The following LRBA variants were observed in gnomAD, a reference collection of about 807,000 sequenced individuals.
LRBA encodes the protein lipopolysaccharide-responsive and beige-like anchor protein.
LRBA carries 176 observed loss-of-function variants against 330.0 expected under a neutral mutation model. The ratio of observed to expected loss-of-function variants is 0.53; its 90% CI spans 0.47 to 0.60. LRBA has a LOEUF of 0.60. Among genes scored for constraint, LRBA ranks in the 20% least tolerant of loss-of-function variants. LRBA has a pLI of 0.00. For missense variants in LRBA, 3,259 were observed against 3,444.8 expected, an observed-to-expected ratio of 0.95 and a Z score of 1.35; for synonymous variants, 1,230 against 1,193.0, an observed-to-expected ratio of 1.03 and a Z score of -0.64.
At chr4:150,350,285 C>T in intron 47 of LRBA, 126 bp from the exon 48 acceptor site, 1 of 780,708 alleles carries the variant, frequency 1.3e-6, no homozygotes, top group Non-Finnish European at 1.9e-6. Context: ...AAAAACAAAA[C>T]TTGTGGCCGG....
chr4:150,363,360 C>G (rs1032940451), intron 47 of LRBA, among the ~76,000 whole-genome samples: 1 of 152,026 alleles, frequency 6.6e-6, no homozygotes, highest in Non-Finnish European at 1.5e-5. Context: ...TCTTTTGGTC[C>G]CAGAATATAT....
At chr4:150,663,467 T>C (rs770108307) in intron 37 of LRBA, among the ~76,000 whole-genome samples, 1 of 152,028 alleles carries the variant, frequency 6.6e-6, no homozygotes, top group Non-Finnish European at 1.5e-5. Context: ...CAGACTTATT[T>C]TGAATATAAA....
rs542113635 is a variant in LRBA at position 150,510,701 on chromosome 4, T to C, written c.6331-19666A>G. 2.0e-3 allele frequency among the ~76,000 whole-genome samples: 307 copies of C among 152,320 alleles called. 2 individuals carry two copies. Among genetic ancestry groups the C allele is most frequent in the Non-Finnish European group, 2.0e-3 (139 of 68,022 alleles). On this transcript the variant is annotated intron_variant, in intron 40 of 56. Coordinates refer to ENST00000651943, the MANE Select transcript of LRBA (RefSeq NM_001364905.1). The stretch of plus-strand genomic sequence containing the variant: ...ACTGAGTGATTTCATCCCGAATCAC[T>C]GCTTCTATTGTTGCCAAAGCACGCT...
At chr4:150,774,344 G>C (rs1471110006) in intron 34 of LRBA, among the ~76,000 whole-genome samples, 2 of 152,092 alleles carry the variant, frequency 1.3e-5, no homozygotes, top group Non-Finnish European at 2.9e-5. Context: ...GTCGTTGTAA[G>C]ACTGACTGAC....
Position 150,274,513 on chromosome 4 carries a change from G to GT in LRBA, c.8468+3339dup, listed in dbSNP as rs1009248019. Among the ~76,000 whole-genome samples, 7 of 151,962 alleles carry GT rather than the reference G, an allele frequency of 4.6e-5. No individual in the cohort carries two copies. The East Asian group carries it at 5.8e-4, about 13-fold the overall frequency. ...TTCAGATCAATGAATCCAGGAGCTG[G>GT]TTTTTTTGAAATGATCAACAAAATA... On this transcript the variant is annotated intron_variant, in intron 56 of 56. Transcript: ENST00000651943.
chr4:151,004,560 G>A lies in LRBA; in HGVS notation c.216+9867C>T, dbSNP rs1384337728. 7.2e-5 allele frequency among the ~76,000 whole-genome samples: 11 copies of A among 152,302 alleles called. No individual in the cohort carries two copies. In the East Asian group the frequency reaches 2.1e-3, roughly 29 times the overall value. Reference sequence around the variant, plus strand: ...TTACATTTAATATTCTCAGACCATGGTTAACGGAAGGTAATAGAAACTGGG... The same window carrying A: ...TTACATTTAATATTCTCAGACCATGATTAACGGAAGGTAATAGAAACTGGG... On this transcript the variant is annotated intron_variant, in intron 2 of 56. Coordinates refer to ENST00000651943, the MANE Select transcript of LRBA (RefSeq NM_001364905.1).
chr4:150,323,025 G>GTGTGTGTGTGTGTGTT (rs373782725), intron 49 of LRBA, among the ~76,000 whole-genome samples: 12,491 of 142,424 alleles, frequency 0.088, 683 homozygotes, highest in Non-Finnish European at 0.1. Context: ...GTGTGTGTGT[G>GTGTGTGTGTGTGTGTT]GGGATGCATT....
chr4:150,585,102 T>A (rs912092768), intron 40 of LRBA, among the ~76,000 whole-genome samples: 3 of 152,352 alleles, frequency 2.0e-5, no homozygotes, highest in Admixed American at 2.0e-4. Flanking sequence ...GAAATATTTA[T>A]GGATTTTTCT....
intron 37 of LRBA, among the ~76,000 whole-genome samples, chr4:150,608,835 T>C (rs2126563366): frequency 6.6e-6 from 1 of 152,374 alleles, no homozygotes; most frequent in South Asian, 2.1e-4. Context: ...GGACATTTTA[T>C]ATAAATGGAA....
chr4:150,746,358 T>C (rs969960872), intron 35 of LRBA, among the ~76,000 whole-genome samples: 2 of 152,182 alleles, frequency 1.3e-5, no homozygotes, highest in African/African-American at 4.8e-5. Flanking sequence ...CATTCTTTCA[T>C]TCTTTGCCCC....
intron 34 of LRBA, among the ~76,000 whole-genome samples, chr4:150,797,277 T>C (rs1446349687): frequency 4.0e-5 from 6 of 151,574 alleles, no homozygotes; most frequent in Admixed American, 6.6e-5. Flanking sequence ...ACCATGAGAG[T>C]TGTAAATGAA....
intron 40 of LRBA, among the ~76,000 whole-genome samples, chr4:150,529,821 A>G (rs890452535): frequency 6.6e-6 from 1 of 152,208 alleles, no homozygotes; most frequent in Admixed American, 6.5e-5. Flanking sequence ...GAAAATTCGA[A>G]ACATACAAAT....
At chr4:150,456,427 T>C (rs1236283473) in intron 44 of LRBA, among the ~76,000 whole-genome samples, 1 of 152,186 alleles carries the variant, frequency 6.6e-6, no homozygotes, top group African/African-American at 2.4e-5. Flanking sequence ...TGATCAATGA[T>C]GTTGAGTGCC....
Position 150,564,688 on chromosome 4 carries a change from G to A in LRBA, c.6330+23360C>T, listed in dbSNP as rs181254235. On this transcript the variant is annotated intron_variant, in intron 40 of 56. Coordinates refer to ENST00000651943, the MANE Select transcript of LRBA (RefSeq NM_001364905.1). ...CTACAAAGAACTTAAACAAATTTAC[G>A]AGAAAAAAACAACCCCATCAAAAAG... is the stretch of plus-strand genomic sequence containing the variant. Among the ~76,000 whole-genome samples the A allele has an allele frequency of 8.7e-3, 1,318 of 151,490 alleles. 7 individuals carry two copies. The highest frequency in any genetic ancestry group is 0.017 in the Middle Eastern group (5 of 294).
At chr4:150,892,943 T>C (rs1203974201) in intron 17 of LRBA, 109 bp downstream of exon 17, 3 of 627,280 alleles carry the variant, frequency 4.8e-6, no homozygotes, top group Non-Finnish European at 8.0e-6. Flanking sequence ...ACTCATTTCA[T>C]GCTATAAACT....
At chr4:150,846,863 T>C (rs1206494926) in intron 26 of LRBA, among the ~76,000 whole-genome samples, 2 of 152,166 alleles carry the variant, frequency 1.3e-5, no homozygotes, top group Non-Finnish European at 2.9e-5. Context: ...GATTAAATTA[T>C]CTCTTAATTC....
chr4:150,565,299 C>G (rs1476382082), intron 40 of LRBA, among the ~76,000 whole-genome samples: 3 of 152,018 alleles, frequency 2.0e-5, no homozygotes, highest in African/African-American at 7.2e-5. Flanking sequence ...ACTATGAGAA[C>G]ACATGGACAC....
intron 37 of LRBA, among the ~76,000 whole-genome samples, chr4:150,635,971 G>A (rs1288134801): frequency 6.6e-6 from 1 of 151,940 alleles, no homozygotes; most frequent in Non-Finnish European, 1.5e-5. Flanking sequence ...CCTCAATTTG[G>A]GTTTAACTCA....
intron 47 of LRBA, among the ~76,000 whole-genome samples, chr4:150,363,147 CA>C (rs1738963863): frequency 1.3e-5 from 2 of 151,694 alleles, no homozygotes; most frequent in South Asian, 4.2e-4. Context: ...CAAAGCAAAA[CA>C]AAACAAAAAA....
Sources: allele counts gnomAD v4.1 joint callset (sites outside exome capture counted in the v4.1 genomes callset), GRCh38; gene constraint gnomAD v4.1.1; transcripts MANE v1.5; gene names NCBI Gene and HGNC (gene_info 2026-07-23, HGNC 2026-07-21).